CDC37L1: variants seen among roughly 807,000 people sequenced by gnomAD.
CDC37L1 encodes hsp90 co-chaperone Cdc37-like 1.
A neutral mutation model predicts 45.9 loss-of-function variants in CDC37L1; 32 were observed. The ratio of observed to expected loss-of-function variants is 0.70; its 90% CI spans 0.53 to 0.94. The LOEUF is 0.94. Among genes scored for constraint, CDC37L1 ranks in the 40% least tolerant of loss-of-function variants. The pLI is 0.00. For synonymous variants in CDC37L1, 150 were observed against 133.0 expected, an observed-to-expected ratio of 1.13 and a Z score of -0.88; for missense variants, 434 against 405.7, an observed-to-expected ratio of 1.07 and a Z score of -0.60.
rs996427659 is a variant in CDC37L1, at chr9:4,687,695, AAAAAAAG to A, written c.415-816_415-810del. On this transcript the variant is annotated intron_variant, in intron 2 of 6. Coordinates refer to ENST00000381854, the MANE Select transcript of CDC37L1 (RefSeq NM_017913.4). ...CCCCATCTCAAAAAAAAAAAAAAAA[AAAAAAAG>A]ACACGCAACAACAACAGTCTATTTC... Among the ~76,000 whole-genome samples the A allele has an allele frequency of 2.6e-4, 40 of 151,030 alleles. 1 individual carries two copies. The highest frequency in any genetic ancestry group is 2.1e-3 in the Admixed American group (32 of 15,128).
chr9:4,700,512 T>C (rs1247425926), intron 5 of CDC37L1, among the ~76,000 whole-genome samples: 3 of 152,206 alleles, frequency 2.0e-5, no homozygotes, highest in African/African-American at 4.8e-5. Flanking sequence ...TATCTTACAT[T>C]AATGGATGTG....
At chr9:4,696,943 A>G (rs928054544) in intron 3 of CDC37L1, among the ~76,000 whole-genome samples, 153 bp from the exon 4 acceptor site, 2 of 152,232 alleles carry the variant, frequency 1.3e-5, no homozygotes, top group South Asian at 4.1e-4. Flanking sequence ...CTCTTTTACC[A>G]TAATCTGTTG....
intron 5 of CDC37L1, among the ~76,000 whole-genome samples, chr9:4,700,391 T>C (rs1587623281): frequency 1.3e-5 from 2 of 152,200 alleles, no homozygotes; most frequent in Non-Finnish European, 2.9e-5. Context: ...CAAGCTGTCC[T>C]CCTGCCTTAA....
chr9:4,680,557 GT>G (rs761143822), intron 1 of CDC37L1, among the ~76,000 whole-genome samples: 1 of 152,056 alleles, frequency 6.6e-6, no homozygotes, highest in Non-Finnish European at 1.5e-5. Context: ...TAGGTTCCTG[GT>G]ATTGTGTTTT....
At chr9:4,701,841 G>GTTTT in intron 5 of CDC37L1, 23 bp from the exon 6 acceptor site, 1 of 1,341,528 alleles carries the variant, frequency 7.5e-7, no homozygotes, top group Non-Finnish European at 1.0e-6. Flanking sequence ...CACAGTCTTT[G>GTTTT]TTTTTTTTTT....
Position 4,679,804 on chromosome 9 carries a change from C to G in CDC37L1, c.37C>G (p.Leu13Val), listed in dbSNP as rs770561888. Residue 13 changes from leucine to valine, a missense_variant, in exon 1 of 7, where the codon CTC becomes GTC. Coordinates refer to ENST00000381854, the MANE Select transcript of CDC37L1 (RefSeq NM_017913.4). ...GTGGCCGCCTCCGGGACCCTGGAGC[C>G]TCCCTCGGGCCGAGGGTGAGGCTGA... is the stretch of plus-strand genomic sequence containing the variant. ...QPWPPPGPWS[L>V]PRAEGEAEEE... The G allele has an allele frequency of 1.2e-6, 2 of 1,613,760 alleles. No homozygotes were observed. The highest frequency in any genetic ancestry group is 8.5e-7 in the Non-Finnish European group (1 of 1,179,826).
Position 4,706,103 on chromosome 9 carries a change from C to A in CDC37L1, c.1005C>A (p.Asp335Glu). The A allele has an allele frequency of 6.4e-7, 1 of 1,564,454 alleles. No homozygotes were observed. The highest frequency in any genetic ancestry group is 8.8e-7 in the Non-Finnish European group (1 of 1,135,116). Residue 335 changes from aspartate to glutamate, a missense_variant, in exon 7 of 7, where the codon GAC (aspartate) becomes GAA (glutamate). Asp to Glu is a conservative substitution (Grantham distance 45). Coordinates refer to ENST00000381854, the MANE Select transcript of CDC37L1 (RefSeq NM_017913.4). ...AAGATGATGAACCCAAAATGATGGA[C>A]ACTGTATAATTTGGTTAAGACTGCT... ...HKEDDEPKMM[D>E]TV is the part of the protein sequence containing the mutation.
chr9:4,700,744 A>G (rs1027590231), intron 5 of CDC37L1, among the ~76,000 whole-genome samples: 7 of 152,200 alleles, frequency 4.6e-5, no homozygotes, highest in African/African-American at 1.7e-4. Flanking sequence ...CATTAAATTC[A>G]TATAACATTT....
chr9:4,700,625 T>C (rs1451453384), intron 5 of CDC37L1, among the ~76,000 whole-genome samples: 1 of 152,276 alleles, frequency 6.6e-6, no homozygotes, highest in Non-Finnish European at 1.5e-5. Context: ...GTCTTCAATC[T>C]TAACATTGTA....
intron 5 of CDC37L1, 129 bp from the exon 6 acceptor site, chr9:4,701,735 T>A: frequency 7.2e-6 from 4 of 556,768 alleles, no homozygotes; most frequent in Non-Finnish European, 9.1e-6. Context: ...ATCGTGGTGG[T>A]TTCTATATTT....
chr9:4,701,566 A>T (rs1841396202), intron 5 of CDC37L1, among the ~76,000 whole-genome samples: 1 of 151,250 alleles, frequency 6.6e-6, no homozygotes, highest in Non-Finnish European at 1.5e-5. Flanking sequence ...TAGATAAGTC[A>T]AGGAAAATAC....
chr9:4,680,878 A>G (rs1841186126), intron 1 of CDC37L1, among the ~76,000 whole-genome samples: 3 of 152,242 alleles, frequency 2.0e-5, no homozygotes, highest in African/African-American at 2.4e-5. Context: ...TAAATTGCTT[A>G]CCAGTAAGCG....
Position 4,701,979 on chromosome 9 carries a change from T to G in CDC37L1, c.863T>G (p.Val288Gly). The change falls in exon 6 of 7, where the codon GTT (valine) becomes GGT (glycine). Residue 288 changes from valine to glycine, a missense_variant. Val to Gly is a moderately radical substitution (Grantham distance 109). Transcript: ENST00000381854. Reference sequence around the variant, plus strand: ...CAACCTATGACAGTTCAGAATCATGTTCCCCATTCTGGTGTTGGATCTATA... The same window carrying G: ...CAACCTATGACAGTTCAGAATCATGGTCCCCATTCTGGTGTTGGATCTATA... ...SFQPMTVQNH[V>G]PHSGVGSIGL... The G allele has an allele frequency of 6.5e-7, 1 of 1,546,060 alleles. No individual in the cohort carries two copies.
At chr9:4,690,473 G>A (rs1422968500) in intron 3 of CDC37L1, among the ~76,000 whole-genome samples, 1 of 151,974 alleles carries the variant, frequency 6.6e-6, no homozygotes, top group Non-Finnish European at 1.5e-5. Flanking sequence ...AACTGGATTA[G>A]GATACTAGAA....
chr9:4,685,215 C>T (rs769853550), intron 2 of CDC37L1, 57 bp downstream of exon 2: 2 of 1,330,738 alleles, frequency 1.5e-6, no homozygotes, highest in South Asian at 1.2e-5. Flanking sequence ...TTTGTACAAA[C>T]CAGTTGTGCG....
At chr9:4,701,648 G>A (rs1048805659) in intron 5 of CDC37L1, among the ~76,000 whole-genome samples, 2 of 151,938 alleles carry the variant, frequency 1.3e-5, no homozygotes, top group African/African-American at 2.4e-5. Context: ...AGCTTATTTT[G>A]CTGAAGCAGA....
At chr9:4,701,620 G>T (rs1172272079) in intron 5 of CDC37L1, among the ~76,000 whole-genome samples, 1 of 152,166 alleles carries the variant, frequency 6.6e-6, no homozygotes, top group African/African-American at 2.4e-5. Context: ...TATGCATAGG[G>T]AGGGGTTGTT....
chr9:4,701,735 T>C, intron 5 of CDC37L1, 129 bp from the exon 6 acceptor site: 1 of 556,886 alleles, frequency 1.8e-6, no homozygotes, highest in Non-Finnish European at 3.0e-6. Context: ...ATCGTGGTGG[T>C]TTCTATATTT....
intron 1 of CDC37L1, among the ~76,000 whole-genome samples, 195 bp from the exon 2 acceptor site, chr9:4,684,682 A>G (rs914253464): frequency 6.6e-6 from 1 of 152,220 alleles, no homozygotes; most frequent in Non-Finnish European, 1.5e-5. Flanking sequence ...GGATAGGCCT[A>G]AATTAACAAA....
Sources: gnomAD v4.1 joint callset for allele counts (sites outside exome capture counted in the v4.1 genomes callset) on GRCh38, gnomAD v4.1.1 for gene constraint, MANE v1.5 for transcripts, NCBI Gene and HGNC (gene_info 2026-07-23, HGNC 2026-07-21) for gene names.